CFAP97: variants seen among roughly 807,000 people sequenced by gnomAD.
The protein encoded by CFAP97 is cilia and flagella associated protein 97.
CFAP97 carries 36 observed loss-of-function variants against 43.1 expected under a neutral mutation model. The observed-to-expected ratio is 0.84, with a 90% CI of 0.64 to 1.10. CFAP97 has a LOEUF of 1.10. Among genes scored for constraint, CFAP97 ranks in the 50% least tolerant of loss-of-function variants. The pLI is 0.00. For synonymous variants in CFAP97, 228 were observed against 225.7 expected (o/e 1.01, Z -0.09); for missense variants, 657 against 620.3 (o/e 1.06, Z -0.63).
In CFAP97 at chr4:185,176,053, T is replaced by G. The variant is rs1735516555; in HGVS notation, c.1055-2A>C. On this transcript the variant is annotated splice_acceptor_variant, in intron 2 of 4. Transcript: ENST00000458385. LOFTEE classifies it high-confidence loss of function. The stretch of plus-strand genomic sequence containing the variant: ...CTTTTTTATCTAATTGCAGAAAAGC[T>G]ACAGAAAAGAACAAAAAAAAAAGAG... The G allele has an allele frequency of 6.7e-7, 1 of 1,499,742 alleles. No individual in the cohort carries two copies. The allele number at this position is 1,499,742 out of a possible 1,614,324, so 92.9% of individuals were successfully genotyped here. A position where few individuals can be genotyped will look rare whatever the true frequency, so the allele number is the denominator to read the frequency against.
At chr4:185,196,812 G>A (rs997443431) in intron 1 of CFAP97, among the ~76,000 whole-genome samples, 1 of 152,028 alleles carries the variant, frequency 6.6e-6, no homozygotes, top group Non-Finnish European at 1.5e-5. Context: ...AAGAAATGTA[G>A]TTTAAGGCCA....
At chr4:185,170,241 G>T in intron 3 of CFAP97, 1 of 643,524 alleles carries the variant, frequency 1.6e-6, no homozygotes, top group Non-Finnish European at 2.8e-6. Flanking sequence ...AGTTACTTGG[G>T]AGGCCGAGGC....
In CFAP97 at chr4:185,190,756, C is replaced by T; in HGVS notation, c.441G>A (p.Val147=). 6.3e-7 allele frequency: 1 copy of T among 1,595,740 alleles called. No homozygotes were observed. The highest frequency in any genetic ancestry group is 8.5e-7 in the Non-Finnish European group (1 of 1,169,830). The change falls in exon 2 of 5, where the codon GTG becomes GTA. Residue 147 remains valine (V), a synonymous_variant. Transcript: ENST00000458385. ...ESSDDGKKYH[V]KSKSAKPSTN... Reference sequence around the variant, plus strand: ...TAGATGGTTTAGCGGACTTGGACTTCACATGGTATTTCTTCCCATCATCAC... The same window carrying T: ...TAGATGGTTTAGCGGACTTGGACTTTACATGGTATTTCTTCCCATCATCAC...
chr4:185,205,665 C>G (rs933944635), upstream of CFAP97, among the ~76,000 whole-genome samples: 1 of 152,090 alleles, frequency 6.6e-6, no homozygotes, highest in African/African-American at 2.4e-5. Flanking sequence ...TCCGTCTCTA[C>G]TAAAAATACA....
chr4:185,191,868 T>C (rs1736273809), intron 1 of CFAP97, among the ~76,000 whole-genome samples: 1 of 151,786 alleles, frequency 6.6e-6, no homozygotes, highest in Admixed American at 6.6e-5. Context: ...ACCCCAAAGA[T>C]ATACAAATTA....
At chr4:185,204,525 A>G (rs922506580), upstream of CFAP97, 3 of 152,244 alleles carry the variant, frequency 2.0e-5, no homozygotes, top group South Asian at 4.1e-4. Flanking sequence ...ATTGAATACA[A>G]TAACTTCTCG....
At chr4:185,202,258 G>A (rs1362595684) in intron 1 of CFAP97, among the ~76,000 whole-genome samples, 1 of 152,178 alleles carries the variant, frequency 6.6e-6, no homozygotes, top group Non-Finnish European at 1.5e-5. Context: ...GGCTGGGCAT[G>A]GAGGCTCATG....
At chr4:185,167,482 A>G (rs931666074) in intron 3 of CFAP97, among the ~76,000 whole-genome samples, 5 of 152,080 alleles carry the variant, frequency 3.3e-5, no homozygotes, top group African/African-American at 1.2e-4. Flanking sequence ...CAAACAAACA[A>G]AAAATTTCAA....
rs71593607 is a variant in CFAP97 at position 185,193,887 on chromosome 4, G to GATAAATAA, written c.-16-2683_-16-2676dup. ...TGGGCGACAGAGAGAGACTCCATCTGATAAATAAATAAATAAATAAATAAG... is the reference window on the plus strand; with the variant it reads ...TGGGCGACAGAGAGAGACTCCATCTGATAAATAAATAAATAAATAAATAAATAAATAAG... On this transcript the variant is annotated intron_variant, in intron 1 of 4. Coordinates refer to ENST00000458385, the MANE Select transcript of CFAP97 (RefSeq NM_020827.3). 3.2e-3 allele frequency among the ~76,000 whole-genome samples: 467 copies of GATAAATAA among 147,778 alleles called. 2 individuals carry two copies. Among genetic ancestry groups the GATAAATAA allele is most frequent in the African/African-American group, 8.1e-3 (325 of 40,196 alleles).
chr4:185,166,242 C>G (rs1340455899), intron 3 of CFAP97, among the ~76,000 whole-genome samples: 1 of 152,164 alleles, frequency 6.6e-6, no homozygotes, highest in East Asian at 1.9e-4. Flanking sequence ...GCATTGTGGA[C>G]AGAGAAGCAG....
At chr4:185,168,862 G>A (rs868598649) in intron 3 of CFAP97, among the ~76,000 whole-genome samples, 6 of 150,660 alleles carry the variant, frequency 4.0e-5, no homozygotes, top group Non-Finnish European at 7.4e-5. Context: ...GGAGCAAGCC[G>A]AGATCGTGCC....
intron 2 of CFAP97, among the ~76,000 whole-genome samples, chr4:185,183,681 G>T (rs183016128): frequency 1.3e-5 from 2 of 152,312 alleles, no homozygotes; most frequent in East Asian, 3.9e-4. Context: ...TAGACTGACA[G>T]TCCTAATTAG....
intron 2 of CFAP97, among the ~76,000 whole-genome samples, chr4:185,178,419 TG>T (rs1213235321): frequency 1.3e-5 from 2 of 151,772 alleles, no homozygotes. Context: ...GGCTAATTTT[TG>T]TATTTTTCGT....
chr4:185,197,977 T>C (rs968423337), intron 1 of CFAP97, among the ~76,000 whole-genome samples: 1 of 152,160 alleles, frequency 6.6e-6, no homozygotes, highest in Non-Finnish European at 1.5e-5. Flanking sequence ...ACTGCTGATA[T>C]GGAGAAAGTC....
chr4:185,186,567 C>T (rs1736013510), intron 2 of CFAP97, among the ~76,000 whole-genome samples: 1 of 152,068 alleles, frequency 6.6e-6, no homozygotes, highest in Admixed American at 6.5e-5. Flanking sequence ...ATCCTTTAGC[C>T]AATGATATAT....
intron 1 of CFAP97, among the ~76,000 whole-genome samples, chr4:185,200,524 C>A (rs1438466175): frequency 1.3e-5 from 2 of 152,090 alleles, no homozygotes; most frequent in Non-Finnish European, 2.9e-5. Context: ...TCTGTAATCC[C>A]AGCTACTCGG....
At chr4:185,179,259 T>C (rs1735685875) in intron 2 of CFAP97, among the ~76,000 whole-genome samples, 4 of 152,062 alleles carry the variant, frequency 2.6e-5, no homozygotes, top group Admixed American at 2.6e-4. Context: ...ATGGGAAGAA[T>C]GTTAATAAAT....
intron 1 of CFAP97, among the ~76,000 whole-genome samples, chr4:185,195,269 G>A (rs1380767095): frequency 6.6e-6 from 1 of 152,130 alleles, no homozygotes; most frequent in African/African-American, 2.4e-5. Flanking sequence ...TGGGAGGACT[G>A]CTTGAGCCCA....
At chr4:185,187,816 C>T (rs1736067942) in intron 2 of CFAP97, among the ~76,000 whole-genome samples, 1 of 151,864 alleles carries the variant, frequency 6.6e-6, no homozygotes, top group Non-Finnish European at 1.5e-5. Context: ...TAAGAGTTCT[C>T]TAGGTGATAT....
Sources: gnomAD v4.1 joint callset for allele counts (sites outside exome capture counted in the v4.1 genomes callset) on GRCh38, gnomAD v4.1.1 for gene constraint, MANE v1.5 for transcripts, NCBI Gene and HGNC (gene_info 2026-07-23, HGNC 2026-07-21) for gene names.